Variants in GALNTL6 observed in about 807,000 individuals in gnomAD.
GALNTL6 encodes polypeptide N-acetylgalactosaminyltransferase-like 6.
A neutral mutation model predicts 73.7 loss-of-function variants in GALNTL6; 46 were observed. That is an observed-to-expected ratio of 0.62 (90% CI 0.49 to 0.80). The LOEUF (loss-of-function observed/expected upper bound fraction) is 0.80, where lower values mean the gene tolerates loss of function less well. Ranked by LOEUF, GALNTL6 falls within the 30% of genes least tolerant of loss-of-function variation. The probability of loss-of-function intolerance (pLI) is 0.00; values close to 1 mark genes in which losing one functional copy is unlikely to be tolerated. For missense variants in GALNTL6, 604 were observed against 755.0 expected, an observed-to-expected ratio of 0.80 and a Z score of 2.34; for synonymous variants, 259 against 263.7, an observed-to-expected ratio of 0.98 and a Z score of 0.17.
rs776721936 is a variant in GALNTL6, at chr4:172,229,758, C to T, written c.241C>T (p.Arg81Cys). ...DYESIQKEAM[R>C]SGKGEHGKPY... ...TGAAAGCATTCAGAAAGAGGCTATGCGCTCAGGTATGAAGCTCAGTGTACG... is the reference window on the plus strand; with the variant it reads ...TGAAAGCATTCAGAAAGAGGCTATGTGCTCAGGTATGAAGCTCAGTGTACG... The change falls in exon 3 of 13, where the codon CGC becomes TGC. Residue 81 changes from arginine (R) to cysteine (C), a missense_variant. Arg to Cys is a radical substitution (Grantham distance 180). Transcript: ENST00000506823. 9.4e-6 allele frequency: 15 copies of T among 1,602,592 alleles called. No individual in the cohort carries two copies. Among genetic ancestry groups the T allele is most frequent in the Middle Eastern group, 1.7e-4 (1 of 6,040 alleles).
chr4:172,950,290 G>T (rs187666628), intron 9 of GALNTL6, among the ~76,000 whole-genome samples: 42 of 152,314 alleles, frequency 2.8e-4, no homozygotes, highest in Middle Eastern at 3.4e-3. Context: ...ATGGTAGGGT[G>T]CACAGCAATG....
Position 171,875,713 on chromosome 4 carries a change from G to A in GALNTL6, c.138+60995G>A, listed in dbSNP as rs145485962. On this transcript the variant is annotated intron_variant, in intron 2 of 12. Transcript: ENST00000506823. Reference sequence around the variant, plus strand: ...AATGGGCAATTACTGGGCACCATAAGGGGCATTTTGGGTGTTGCTTTCTGC... The same window carrying A: ...AATGGGCAATTACTGGGCACCATAAAGGGCATTTTGGGTGTTGCTTTCTGC... 7.2e-3 allele frequency among the ~76,000 whole-genome samples: 1,081 copies of A among 151,128 alleles called. 11 individuals carry two copies. Among genetic ancestry groups the A allele is most frequent in the African/African-American group, 0.02 (818 of 41,084 alleles).
At chr4:172,130,491 GAAGC>G (rs1733460054) in intron 2 of GALNTL6, among the ~76,000 whole-genome samples, 1 of 151,824 alleles carries the variant, frequency 6.6e-6, no homozygotes, top group Admixed American at 6.6e-5. Flanking sequence ...ATTATATATA[GAAGC>G]AAGATTTATG....
chr4:172,494,065 G>A (rs78385424), intron 5 of GALNTL6, among the ~76,000 whole-genome samples: 8,753 of 152,146 alleles, frequency 0.058, 319 homozygotes, highest in Non-Finnish European at 0.085. Flanking sequence ...GAAAGAAAAT[G>A]TGTCAATTAT....
At chr4:172,764,782 A>G (rs1282414894) in intron 5 of GALNTL6, among the ~76,000 whole-genome samples, 2 of 152,216 alleles carry the variant, frequency 1.3e-5, no homozygotes, top group Non-Finnish European at 2.9e-5. Flanking sequence ...ATTATCTTAT[A>G]TGTACTCCTG....
intron 2 of GALNTL6, among the ~76,000 whole-genome samples, chr4:172,184,877 T>A (rs1460868562): frequency 6.6e-6 from 1 of 152,202 alleles, no homozygotes; most frequent in Non-Finnish European, 1.5e-5. Flanking sequence ...CTGCCCCTTT[T>A]AAAGTGAAGC....
intron 9 of GALNTL6, among the ~76,000 whole-genome samples, chr4:172,944,020 A>C (rs1749036905): frequency 6.6e-6 from 1 of 152,230 alleles, no homozygotes; most frequent in South Asian, 2.1e-4. Flanking sequence ...TTTAAATGTA[A>C]AGGATACAAT....
At chr4:172,772,155 A>T (rs1161224258) in intron 5 of GALNTL6, among the ~76,000 whole-genome samples, 1 of 152,234 alleles carries the variant, frequency 6.6e-6, no homozygotes, top group Admixed American at 6.5e-5. Context: ...AGCATGGGAA[A>T]GACCTACTCC....
chr4:172,346,084 T>C (rs1435992793), intron 4 of GALNTL6, among the ~76,000 whole-genome samples: 10 of 152,176 alleles, frequency 6.6e-5, no homozygotes. Flanking sequence ...CCTCTTGGCT[T>C]ATACTGGAAT....
intron 5 of GALNTL6, among the ~76,000 whole-genome samples, chr4:172,519,797 A>G (rs17233636): frequency 0.19 from 29,106 of 151,562 alleles, 3,018 homozygotes; most frequent in African/African-American, 0.25. Context: ...TGAATTTTAT[A>G]TGGTTCAGTT....
At chr4:172,204,851 C>A (rs2110910022) in intron 2 of GALNTL6, among the ~76,000 whole-genome samples, 1 of 152,222 alleles carries the variant, frequency 6.6e-6, no homozygotes, top group Non-Finnish European at 1.5e-5. Context: ...TAATAACTAT[C>A]TTAATTTAAA....
intron 2 of GALNTL6, among the ~76,000 whole-genome samples, chr4:171,955,314 A>G (rs1463271480): frequency 1.3e-5 from 2 of 152,018 alleles, no homozygotes; most frequent in African/African-American, 4.8e-5. Context: ...TTTTATTCAT[A>G]TAATATATAT....
In GALNTL6 at chr4:171,813,495, T is replaced by G. The variant is rs1734434055; in HGVS notation, c.-665T>G. 6.6e-6 allele frequency: 1 copy of G among 152,348 alleles called. No individual in the cohort carries two copies. The highest frequency in any genetic ancestry group is 2.4e-5 in the African/African-American group (1 of 41,456). 9.4% of individuals were successfully genotyped at this position (152,348 alleles called of 1,614,324 possible). On this transcript the variant is annotated 5_prime_UTR_variant, in exon 1 of 13. Transcript: ENST00000506823. This position sits in a 1 kb window ranked among gnomAD's most constrained non-coding sequence, Gnocchi z 5.2. ...GCCGCGGCGCATCTCCGCCTTCCGC[T>G]CCTCCTCGCAGCGCCCTCGTCCGCT...
chr4:172,411,221 T>C (rs1272287831), intron 5 of GALNTL6, among the ~76,000 whole-genome samples: 3 of 152,086 alleles, frequency 2.0e-5, no homozygotes, highest in Non-Finnish European at 2.9e-5. Context: ...AGTAAGAAAT[T>C]GGTGAAGATT....
At chr4:171,847,875 G>T (rs1735416532) in intron 2 of GALNTL6, among the ~76,000 whole-genome samples, 1 of 152,048 alleles carries the variant, frequency 6.6e-6, no homozygotes, top group Admixed American at 6.6e-5. Flanking sequence ...TCATCCATGA[G>T]CATTGGAATC....
chr4:172,362,418 A>T (rs1044007710), intron 5 of GALNTL6, among the ~76,000 whole-genome samples: 1 of 152,030 alleles, frequency 6.6e-6, no homozygotes, highest in Non-Finnish European at 1.5e-5. Flanking sequence ...TTAATATTGG[A>T]CCCTCTCTGC....
intron 5 of GALNTL6, among the ~76,000 whole-genome samples, chr4:172,638,402 G>A (rs894354626): frequency 6.6e-6 from 1 of 152,060 alleles, no homozygotes; most frequent in African/African-American, 2.4e-5. Flanking sequence ...GTAAGGAAGT[G>A]GGGTGGGGCA....
intron 2 of GALNTL6, among the ~76,000 whole-genome samples, chr4:171,908,773 G>A (rs1198156566): frequency 0.014 from 2,055 of 147,012 alleles, 82 homozygotes; most frequent in African/African-American, 0.051. Context: ...GACTGGATTA[G>A]GAAAATGTGG....
At chr4:172,059,993 C>G (rs28378377) in intron 2 of GALNTL6, among the ~76,000 whole-genome samples, 47,741 of 152,032 alleles carry the variant, frequency 0.31, 8,519 homozygotes, top group Middle Eastern at 0.38. Flanking sequence ...GAATTTGAAT[C>G]CAGCTTCACT....
Sources: allele counts gnomAD v4.1 joint callset (sites outside exome capture counted in the v4.1 genomes callset), GRCh38; gene constraint gnomAD v4.1.1; non-coding constraint Gnocchi (gnomAD v3.1); transcripts MANE v1.5; gene names NCBI Gene and HGNC (gene_info 2026-07-23, HGNC 2026-07-21).